FBRSL1: variants seen among roughly 807,000 people sequenced by gnomAD.
FBRSL1 encodes the protein fibrosin-1-like protein.
A neutral mutation model predicts 89.6 loss-of-function variants in FBRSL1; 51 were observed. The observed-to-expected ratio is 0.57, with a 90% CI of 0.45 to 0.72. The LOEUF (loss-of-function observed/expected upper bound fraction) is 0.72. FBRSL1 is among the 30% of genes least tolerant of loss of function. The pLI is 0.00. For synonymous variants in FBRSL1, 779 were observed against 681.1 expected, an observed-to-expected ratio of 1.14 and a Z score of -2.24; for missense variants, 1,618 against 1,451.8, an observed-to-expected ratio of 1.11 and a Z score of -1.86.
intron 3 of FBRSL1, among the ~76,000 whole-genome samples, chr12:132,526,223 C>T (rs1456651261): frequency 2.0e-5 from 3 of 152,218 alleles, no homozygotes; most frequent in Non-Finnish European, 4.4e-5. Context: ...GGACGGCCGC[C>T]GAGTCTTGAG....
At chr12:132,558,733 C>T (rs1318953144) in intron 5 of FBRSL1, among the ~76,000 whole-genome samples, 2 of 152,222 alleles carry the variant, frequency 1.3e-5, no homozygotes, top group African/African-American at 2.4e-5. Flanking sequence ...GCTGCTCCCG[C>T]GGTTTGAATG....
At chr12:132,492,279 G>A (rs1289311091) in intron 1 of FBRSL1, among the ~76,000 whole-genome samples, 1 of 152,164 alleles carries the variant, frequency 6.6e-6, no homozygotes, top group Non-Finnish European at 1.5e-5. Context: ...CTTTATGTTT[G>A]GTGCCATTGT....
chr12:132,496,210 C>T lies in FBRSL1; in HGVS notation c.291+5349C>T, dbSNP rs151029746. Among the ~76,000 whole-genome samples the T allele has an allele frequency of 3.8e-3, 583 of 152,374 alleles. 3 individuals carry two copies. Among genetic ancestry groups the T allele is most frequent in the African/African-American group, 0.014 (562 of 41,594 alleles). ...CAGTCCTGCAGCAGGGAGTCAGACC[C>T]ACACTAGACCCTCCTTCCCCACTAG... is the stretch of plus-strand genomic sequence containing the variant. On this transcript the variant is annotated intron_variant, in intron 1 of 18. Transcript: ENST00000680143.
intron 18 of FBRSL1, 108 bp from the exon 19 acceptor site, chr12:132,582,863 G>A (rs1593618224): frequency 2.2e-6 from 2 of 922,090 alleles, no homozygotes; most frequent in Non-Finnish European, 2.9e-6. Flanking sequence ...AGGGGTCACC[G>A]GCCACCCAGA....
intron 2 of FBRSL1, among the ~76,000 whole-genome samples, chr12:132,517,660 G>A (rs915236611): frequency 2.0e-5 from 3 of 152,242 alleles, no homozygotes; most frequent in Non-Finnish European, 4.4e-5. Context: ...GGTAGAGGGT[G>A]TAGCCACCCA....
At chr12:132,502,186 G>T (rs1015811119) in intron 1 of FBRSL1, among the ~76,000 whole-genome samples, 9 of 152,222 alleles carry the variant, frequency 5.9e-5, no homozygotes, top group African/African-American at 2.2e-4. Context: ...GGGGGCAGCT[G>T]CCTGCTTTCC....
At chr12:132,549,731 C>T (rs1368199099) in intron 5 of FBRSL1, among the ~76,000 whole-genome samples, 1 of 152,150 alleles carries the variant, frequency 6.6e-6, no homozygotes, top group Non-Finnish European at 1.5e-5. Context: ...GGAAGGCTGA[C>T]AGCCGCCCCC....
intron 4 of FBRSL1, among the ~76,000 whole-genome samples, chr12:132,547,226 CGT>C (rs1199731356): frequency 7.4e-6 from 1 of 134,390 alleles, no homozygotes; most frequent in Admixed American, 7.2e-5. Flanking sequence ...GTGTGTTCTT[CGT>C]AGGGCTCTGC....
At chr12:132,516,397 C>A (rs1321057804) in intron 2 of FBRSL1, among the ~76,000 whole-genome samples, 3 of 152,148 alleles carry the variant, frequency 2.0e-5, no homozygotes, top group Admixed American at 6.5e-5. Context: ...GTTGGCCAGG[C>A]TGGTCTTGAA....
In FBRSL1 at chr12:132,525,835, G is replaced by A; in HGVS notation, c.579+12G>A. On this transcript the variant is annotated intron_variant, in intron 3 of 18. Coordinates refer to ENST00000680143, the MANE Select transcript of FBRSL1 (RefSeq NM_001367871.1). ...ACCCGCTCAGCGATGTGAGTACCCA[G>A]CTGCCCGCGCCCGGAGGCTCCGAGT... 6.5e-7 allele frequency: 1 copy of A among 1,540,806 alleles called. No homozygotes were observed. The highest frequency in any genetic ancestry group is 1.2e-5 in the South Asian group (1 of 83,864).
intron 4 of FBRSL1, among the ~76,000 whole-genome samples, chr12:132,528,424 C>T (rs929049777): frequency 6.6e-6 from 1 of 152,186 alleles, no homozygotes; most frequent in African/African-American, 2.4e-5. Flanking sequence ...GAGCAGCCAC[C>T]TCCAATGCCC....
chr12:132,574,655 ACACGCGTGTG>A, intron 14 of FBRSL1, 91 bp downstream of exon 14: 2 of 1,455,438 alleles, frequency 1.4e-6, no homozygotes, highest in Non-Finnish European at 1.8e-6. Flanking sequence ...GTGTGTGTTC[ACACGCGTGTG>A]CACGGGTGTG....
At chr12:132,513,811 T>C (rs1301273711) in intron 2 of FBRSL1, among the ~76,000 whole-genome samples, 1 of 152,166 alleles carries the variant, frequency 6.6e-6, no homozygotes, top group East Asian at 1.9e-4. Flanking sequence ...CCTGGAGCTC[T>C]AAGGCCCTTG....
Position 132,490,632 on chromosome 12 carries a change from G to C in FBRSL1, c.62G>C (p.Arg21Pro). Residue 21 changes from arginine (R) to proline (P), a missense_variant, in exon 1 of 19, where the codon CGG becomes CCG. Physicochemically the swap from Arg to Pro is moderately radical, Grantham distance 103 (BLOSUM62 -2). Transcript: ENST00000680143. ...GCGCAGCGGGACCGTGGCCGGCGCC[G>C]GGAGGCCGCCCGCGACGCCCGCGCC... The part of the protein sequence containing the change: ...SRAQRDRGRR[R>P]EAARDARAQS... 1 of 983,680 alleles carries C rather than the reference G, an allele frequency of 1.0e-6. No homozygotes were observed. Among genetic ancestry groups the C allele is most frequent in the Non-Finnish European group, 1.2e-6 (1 of 830,210 alleles). 60.9% of individuals were successfully genotyped at this position (983,680 alleles called of 1,614,324 possible). A position where few individuals can be genotyped will look rare whatever the true frequency, so the allele number is the denominator to read the frequency against.
In FBRSL1 at chr12:132,574,547, C is replaced by T; in HGVS notation, c.1684C>T (p.His562Tyr). 1 of 1,550,092 alleles carries T rather than the reference C, an allele frequency of 6.5e-7. No homozygotes were observed. ...HVQIAWQIYR[H>Y]QQKIKEMQLD... ...GCAGATCGCCTGGCAGATCTACCGT[C>T]ACCAGCAGAAGATAAAGGTGAGACC... Residue 562 changes from histidine (H) to tyrosine (Y), a missense_variant, in exon 14 of 19, where the codon CAC becomes TAC. His to Tyr is a moderately conservative substitution (Grantham distance 83). Transcript: ENST00000680143.
chr12:132,490,378 G>A lies in FBRSL1; in HGVS notation c.-193G>A. The A allele has an allele frequency of 5.2e-6, 1 of 192,158 alleles. No individual in the cohort carries two copies. Among genetic ancestry groups the A allele is most frequent in the Non-Finnish European group, 9.0e-6 (1 of 110,898 alleles). The allele number at this position is 192,158 out of a possible 1,614,324, so 11.9% of individuals were successfully genotyped here. A position where few individuals can be genotyped will look rare whatever the true frequency, so the allele number is the denominator to read the frequency against. ...CCGCCCGCGCCGGGGGTCCCAGGCC[G>A]CGCCGGGCCCGGGGCTGAGCCGCCC... On this transcript the variant is annotated 5_prime_UTR_variant, in exon 1 of 19. Coordinates refer to ENST00000680143, the MANE Select transcript of FBRSL1 (RefSeq NM_001367871.1).
At chr12:132,537,531 T>C (rs936734381) in intron 4 of FBRSL1, among the ~76,000 whole-genome samples, 1 of 152,094 alleles carries the variant, frequency 6.6e-6, no homozygotes, top group South Asian at 2.1e-4. Flanking sequence ...TTAAAGGTGA[T>C]TTTGTGCATT....
At chr12:132,579,899 T>A (rs984516236) in intron 15 of FBRSL1, among the ~76,000 whole-genome samples, 2 of 152,218 alleles carry the variant, frequency 1.3e-5, no homozygotes, top group Admixed American at 6.5e-5. Flanking sequence ...TCAAGCTGTT[T>A]CTTCTGGCAT....
intron 4 of FBRSL1, among the ~76,000 whole-genome samples, chr12:132,540,759 G>A (rs2037191077): frequency 6.6e-6 from 1 of 151,880 alleles, no homozygotes; most frequent in African/African-American, 2.4e-5. Flanking sequence ...TCACCCGGGG[G>A]GGCCCCTCCC....
Sources: gnomAD v4.1 joint callset for allele counts (sites outside exome capture counted in the v4.1 genomes callset) on GRCh38, gnomAD v4.1.1 for gene constraint, MANE v1.5 for transcripts, NCBI Gene and HGNC (gene_info 2026-07-23, HGNC 2026-07-21) for gene names.